The following PLXDC2 variants were observed in gnomAD, a reference collection of about 807,000 sequenced individuals.
PLXDC2 encodes plexin domain-containing protein 2.
In PLXDC2, 40 loss-of-function variants were observed where a neutral mutation model predicts 68.9. The observed-to-expected ratio is 0.58, with a 90% CI of 0.45 to 0.76. The LOEUF is 0.76. Ranked by LOEUF, PLXDC2 falls within the 30% of genes least tolerant of loss-of-function variation. The probability of loss-of-function intolerance (pLI) is 0.00; values close to 1 mark genes in which losing one functional copy is unlikely to be tolerated. For synonymous variants in PLXDC2, 243 were observed against 234.2 expected, an observed-to-expected ratio of 1.04 and a Z score of -0.34; for missense variants, 644 against 661.9, an observed-to-expected ratio of 0.97 and a Z score of 0.30.
At chr10:20,090,816 G>C (rs1199575333) in intron 4 of PLXDC2, among the ~76,000 whole-genome samples, 2 of 152,078 alleles carry the variant, frequency 1.3e-5, no homozygotes, top group Admixed American at 6.6e-5. Context: ...AAAAGGTAAA[G>C]ATTTATCAGA....
chr10:20,186,269 C>T (rs903475564), intron 9 of PLXDC2, among the ~76,000 whole-genome samples: 1 of 151,908 alleles, frequency 6.6e-6, no homozygotes, highest in Non-Finnish European at 1.5e-5. Context: ...GCTGTCATTT[C>T]TAATTGAAGG....
chr10:20,177,556 G>C, intron 9 of PLXDC2, 147 bp downstream of exon 9: 1 of 308,374 alleles, frequency 3.2e-6, no homozygotes, highest in Non-Finnish European at 5.4e-6. Flanking sequence ...CTTGAACCCA[G>C]GAGTTCAAGA....
chr10:19,837,666 TG>T (rs1271149789), intron 1 of PLXDC2, among the ~76,000 whole-genome samples: 3 of 152,220 alleles, frequency 2.0e-5, no homozygotes, highest in African/African-American at 7.2e-5. Flanking sequence ...TAATGGATTT[TG>T]CAATTTGTTT....
At chr10:20,171,127 C>T (rs1834441050) in intron 7 of PLXDC2, among the ~76,000 whole-genome samples, 1 of 151,902 alleles carries the variant, frequency 6.6e-6, no homozygotes, top group Non-Finnish European at 1.5e-5. Context: ...AATATGTGGT[C>T]AAAACTTACG....
chr10:20,002,400 C>T (rs1401053548), intron 2 of PLXDC2, among the ~76,000 whole-genome samples: 1 of 152,006 alleles, frequency 6.6e-6, no homozygotes, highest in Non-Finnish European at 1.5e-5. Context: ...GCTGGGACTA[C>T]AGGCGCATGC....
intron 1 of PLXDC2, among the ~76,000 whole-genome samples, chr10:19,982,648 C>T (rs1220856816): frequency 2.0e-5 from 3 of 151,970 alleles, no homozygotes; most frequent in Admixed American, 1.3e-4. Flanking sequence ...CCAACAGCAA[C>T]GACAGTAAGT....
intron 2 of PLXDC2, among the ~76,000 whole-genome samples, chr10:20,013,783 T>G (rs995810776): frequency 2.6e-5 from 4 of 152,170 alleles, no homozygotes; most frequent in African/African-American, 7.2e-5. Context: ...TTCTTTTTCT[T>G]TAACATATTT....
intron 1 of PLXDC2, among the ~76,000 whole-genome samples, chr10:19,868,680 T>C (rs1837467648): frequency 6.6e-6 from 1 of 152,236 alleles, no homozygotes; most frequent in South Asian, 2.1e-4. Context: ...TGTTGATTTA[T>C]TTTCAAAAAA....
intron 5 of PLXDC2, among the ~76,000 whole-genome samples, chr10:20,145,588 C>T (rs1392811942): frequency 4.6e-5 from 7 of 152,236 alleles, no homozygotes; most frequent in Admixed American, 3.3e-4. Context: ...CTCACTCTGT[C>T]GCCCAGGCTG....
chr10:19,830,257 A>G (rs1209404367), intron 1 of PLXDC2, among the ~76,000 whole-genome samples: 1 of 152,148 alleles, frequency 6.6e-6, no homozygotes, highest in South Asian at 2.1e-4. Context: ...CCTTTTAAAT[A>G]TTTTTCAACA....
intron 3 of PLXDC2, among the ~76,000 whole-genome samples, chr10:20,055,011 A>G (rs1835971720): frequency 1.3e-5 from 2 of 152,074 alleles, no homozygotes; most frequent in South Asian, 4.1e-4. Context: ...ATATTTTTTT[A>G]TCTTTCTGTA....
intron 1 of PLXDC2, among the ~76,000 whole-genome samples, chr10:19,896,437 A>G (rs772157961): frequency 1.3e-5 from 2 of 152,348 alleles, no homozygotes; most frequent in Non-Finnish European, 2.9e-5. Flanking sequence ...GGTTTTCTGG[A>G]TACCGTGGTT....
chr10:20,191,190 T>G (rs940691049), intron 9 of PLXDC2, among the ~76,000 whole-genome samples: 1 of 151,996 alleles, frequency 6.6e-6, no homozygotes, highest in Non-Finnish European at 1.5e-5. Flanking sequence ...ATAAGATTTA[T>G]TGGTTGAACA....
chr10:20,060,876 A>T (rs574140723), intron 3 of PLXDC2, among the ~76,000 whole-genome samples: 1 of 152,316 alleles, frequency 6.6e-6, no homozygotes, highest in Non-Finnish European at 1.5e-5. Context: ...TAAAAGAAGA[A>T]ATATAGAAAT....
chr10:20,245,652 C>G (rs1835584567), intron 13 of PLXDC2, 147 bp downstream of exon 13: 1 of 879,484 alleles, frequency 1.1e-6, no homozygotes, highest in Non-Finnish European at 1.7e-6. Flanking sequence ...TGTTGTCCCC[C>G]ATGCACTCAC....
In PLXDC2 at chr10:20,082,064, C is replaced by CAAAAAAAAAAAAAA. The variant is rs1252447303; in HGVS notation, c.541+13837_541+13838insAAAAAAAAAAAAAA. The stretch of plus-strand genomic sequence containing the variant: ...CCATCTGAAAAAAAAAAAAAAAAAT[C>CAAAAAAAAAAAAAA]AAAAAAAAAAAACAGGAGAAGTCTG... On this transcript the variant is annotated intron_variant, in intron 4 of 13. Transcript: ENST00000377252. 9.9e-4 allele frequency among the ~76,000 whole-genome samples: 69 copies of CAAAAAAAAAAAAAA among 69,896 alleles called. 13 individuals are homozygous for CAAAAAAAAAAAAAA. The highest frequency in any genetic ancestry group is 1.3e-3 in the Non-Finnish European group (48 of 38,288). 45.9% of individuals were successfully genotyped at this position (69,896 alleles called of 152,430 possible).
At chr10:19,995,524 G>C (rs1181676997) in intron 1 of PLXDC2, among the ~76,000 whole-genome samples, 1 of 152,220 alleles carries the variant, frequency 6.6e-6, no homozygotes, top group Non-Finnish European at 1.5e-5. Flanking sequence ...CAGAAGGAAG[G>C]AAGGTGTTCA....
At position 20,143,302 on chromosome 10, in the gene PLXDC2, A is replaced by G. The variant is rs1244212503; in HGVS notation, c.549A>G (p.Ile183Met). 3.1e-6 allele frequency: 5 copies of G among 1,611,730 alleles called. No individual in the cohort carries two copies. Among genetic ancestry groups the G allele is most frequent in the South Asian group, 1.1e-5 (1 of 90,786 alleles). The stretch of plus-strand genomic sequence containing the variant: ...CTATTTTTCTAATTCTAGGTTTCAT[A>G]TACACTGGAGAAGTCGTACATCGAA... ...REITVATGGF[I>M]YTGEVVHRML... Residue 183 changes from isoleucine to methionine, a missense_variant, in exon 5 of 14, where the codon ATA (isoleucine) becomes ATG (methionine). Transcript: ENST00000377252.
intron 9 of PLXDC2, among the ~76,000 whole-genome samples, chr10:20,183,525 A>G (rs192758223): frequency 6.6e-4 from 100 of 152,094 alleles, no homozygotes; most frequent in African/African-American, 2.3e-3. Context: ...ACTGTTTATT[A>G]TGGACTTTTT....
Sources: allele counts gnomAD v4.1 joint callset (sites outside exome capture counted in the v4.1 genomes callset), GRCh38; gene constraint gnomAD v4.1.1; transcripts MANE v1.5; gene names NCBI Gene and HGNC (gene_info 2026-07-23, HGNC 2026-07-21).